CEP170: variants seen among roughly 807,000 people sequenced by gnomAD.
CEP170 encodes centrosomal protein of 170 kDa.
In CEP170, 21 loss-of-function variants were observed where a neutral mutation model predicts 151.9. The observed-to-expected ratio is 0.14, with a 90% CI of 0.10 to 0.20. The LOEUF is 0.20. CEP170 is among the 10% of genes least tolerant of loss of function. The pLI is 1.00. For synonymous variants in CEP170, 356 were observed against 648.8 expected (o/e 0.55, Z 6.86); for missense variants, 964 against 1,892.9 (o/e 0.51, Z 9.11).
intron 1 of CEP170, among the ~76,000 whole-genome samples, chr1:243,229,386 A>G (rs912690365): frequency 6.6e-6 from 1 of 152,062 alleles, no homozygotes; most frequent in South Asian, 2.1e-4. Context: ...AAATATATAC[A>G]TTACGTTTCG....
intron 17 of CEP170, among the ~76,000 whole-genome samples, chr1:243,133,633 A>G (rs1377891461): frequency 6.6e-6 from 1 of 152,160 alleles, no homozygotes; most frequent in Admixed American, 6.5e-5. Flanking sequence ...TTTTTTCCCT[A>G]CAAATTTCAG....
Position 243,225,189 on chromosome 1 carries a change from T to C in CEP170, c.92A>G (p.Glu31Gly). Residue 31 changes from glutamate (E) to glycine (G), a missense_variant, in exon 2 of 20, where the codon GAG (glutamate) becomes GGG (glycine). Glu to Gly is a moderately conservative substitution (Grantham distance 98, BLOSUM62 -2). Transcript: ENST00000366542. The part of the protein sequence containing the change: ...EMIFVGRDDC[E>G]LMLQSRSVDK... ...TGACACAATTACCTGCAACATGAGC[T>C]CACAGTCATCTCTTCCAACAAAAAT... The C allele has an allele frequency of 6.3e-7, 1 of 1,597,228 alleles. No individual in the cohort carries two copies. The highest frequency in any genetic ancestry group is 8.5e-7 in the Non-Finnish European group (1 of 1,172,396).
chr1:243,221,811 A>G lies in CEP170; in HGVS notation c.108T>C (p.Ser36=). Residue 36 remains serine, a splice_region_variant and synonymous_variant, in exon 3 of 20, where the codon TCT becomes TCC. Coordinates refer to ENST00000366542, the MANE Select transcript of CEP170 (RefSeq NM_014812.3). ...CAGCGTGTTGCTTATCCACACTACG[A>G]GACTGAAAGGAATGTTGTCAGTTAA... The part of the protein sequence containing the change: ...GRDDCELMLQ[S]RSVDKQHAVI... 3 of 1,608,230 alleles carry G rather than the reference A, an allele frequency of 1.9e-6. No individual in the cohort carries two copies. Among genetic ancestry groups the G allele is most frequent in the Non-Finnish European group, 2.5e-6 (3 of 1,177,920 alleles).
intron 6 of CEP170, among the ~76,000 whole-genome samples, chr1:243,199,844 T>C (rs1253573803): frequency 6.6e-6 from 1 of 152,106 alleles, no homozygotes; most frequent in Non-Finnish European, 1.5e-5. Flanking sequence ...TATATGGTGA[T>C]ACAGCCACAT....
chr1:243,176,397 C>A (rs2059256190), intron 10 of CEP170, among the ~76,000 whole-genome samples: 1 of 151,834 alleles, frequency 6.6e-6, no homozygotes, highest in East Asian at 1.9e-4. Flanking sequence ...CTGGGCCTGG[C>A]AGATGTTTAA....
At chr1:243,223,302 A>T (rs1459475811) in intron 2 of CEP170, among the ~76,000 whole-genome samples, 3 of 152,208 alleles carry the variant, frequency 2.0e-5, no homozygotes, top group African/African-American at 7.2e-5. Context: ...CAAAGAAAAA[A>T]ATCTAAATTA....
At chr1:243,158,776 A>C (rs565243211) in intron 13 of CEP170, among the ~76,000 whole-genome samples, 2 of 152,276 alleles carry the variant, frequency 1.3e-5, no homozygotes, top group South Asian at 4.2e-4. Flanking sequence ...TTTTAAAAGC[A>C]ATCAGGGGCC....
chr1:243,204,197 G>A (rs1325841564), intron 4 of CEP170, among the ~76,000 whole-genome samples: 1 of 152,092 alleles, frequency 6.6e-6, no homozygotes, highest in East Asian at 1.9e-4. Context: ...ACATAGATAA[G>A]GAAAAATCTT....
In CEP170 at chr1:243,201,587, T is replaced by C. The variant is rs576395043; in HGVS notation, c.275-752A>G. Among the ~76,000 whole-genome samples, 5 of 152,284 alleles carry C rather than the reference T, an allele frequency of 3.3e-5. No homozygotes were observed. In the South Asian group the frequency reaches 1.0e-3, roughly 32 times the overall value. On this transcript the variant is annotated intron_variant, in intron 4 of 19. Coordinates refer to ENST00000366542, the MANE Select transcript of CEP170 (RefSeq NM_014812.3). Reference sequence around the variant, plus strand: ...TAACCATGTACTAAATTCTATTCCTTACCAGTTCAGAGCACTCATGACTTC... The same window carrying C: ...TAACCATGTACTAAATTCTATTCCTCACCAGTTCAGAGCACTCATGACTTC...
intron 4 of CEP170, among the ~76,000 whole-genome samples, chr1:243,203,868 G>A (rs549118579): frequency 3.8e-4 from 58 of 151,960 alleles, no homozygotes; most frequent in Non-Finnish European, 7.1e-4. Context: ...GACAATAAGG[G>A]TTTAAAAGAA....
chr1:243,252,633 G>A (rs1014888043), intron 1 of CEP170, among the ~76,000 whole-genome samples: 1 of 152,054 alleles, frequency 6.6e-6, no homozygotes, highest in African/African-American at 2.4e-5. Flanking sequence ...CTATTCTAAT[G>A]TTAAAATAGG....
intron 1 of CEP170, among the ~76,000 whole-genome samples, chr1:243,228,568 G>A (rs960461491): frequency 4.6e-5 from 7 of 152,270 alleles, no homozygotes; most frequent in African/African-American, 1.7e-4. Context: ...TTCAGGGGAC[G>A]ATTTTAAAAC....
intron 17 of CEP170, among the ~76,000 whole-genome samples, chr1:243,133,499 T>C (rs1042196982): frequency 2.0e-5 from 3 of 152,144 alleles, no homozygotes; most frequent in African/African-American, 7.2e-5. Context: ...ATGATAACAA[T>C]TATATATTAC....
chr1:243,236,970 C>A (rs1214963817), intron 1 of CEP170, among the ~76,000 whole-genome samples: 1 of 152,166 alleles, frequency 6.6e-6, no homozygotes, highest in Non-Finnish European at 1.5e-5. Flanking sequence ...ATCTTCAATA[C>A]CTTTTCTGAT....
chr1:243,233,320 GTAAATATC>G (rs2149076759), intron 1 of CEP170, among the ~76,000 whole-genome samples: 1 of 152,248 alleles, frequency 6.6e-6, no homozygotes, highest in East Asian at 1.9e-4. Flanking sequence ...GGACTAAAAT[GTAAATATC>G]TAAGTTTTAC....
At chr1:243,223,169 G>C (rs1208668946) in intron 2 of CEP170, among the ~76,000 whole-genome samples, 1 of 152,192 alleles carries the variant, frequency 6.6e-6, no homozygotes, top group African/African-American at 2.4e-5. Flanking sequence ...GTTAAGAGAA[G>C]TGAGATTTCA....
At chr1:243,166,200 T>C (rs2058429454) in intron 12 of CEP170, 84 bp from the exon 13 acceptor site, 2 of 1,513,096 alleles carry the variant, frequency 1.3e-6, no homozygotes, top group East Asian at 2.4e-5. Context: ...TGTCTGTCAG[T>C]ATCCATGAAG....
chr1:243,158,998 C>T (rs1214367108), intron 13 of CEP170, among the ~76,000 whole-genome samples: 5 of 152,002 alleles, frequency 3.3e-5, no homozygotes, highest in African/African-American at 7.2e-5. Context: ...ACCCTGGAGT[C>T]GGAGGGTGCA....
At chr1:243,226,914 G>C (rs1040789392) in intron 1 of CEP170, among the ~76,000 whole-genome samples, 3 of 152,114 alleles carry the variant, frequency 2.0e-5, no homozygotes, top group African/African-American at 4.8e-5. Context: ...ACTTGAACCC[G>C]GGAGGCAGAA....
Sources: gnomAD v4.1 joint callset for allele counts (sites outside exome capture counted in the v4.1 genomes callset) on GRCh38, gnomAD v4.1.1 for gene constraint, MANE v1.5 for transcripts, NCBI Gene and HGNC (gene_info 2026-07-23, HGNC 2026-07-21) for gene names.